Variants in TCF4 observed in about 807,000 individuals in gnomAD.
TCF4 encodes the protein SL3-3 enhancer factor 2.
In TCF4, 3 loss-of-function variants were observed where a neutral mutation model predicts 82.1. The ratio of observed to expected loss-of-function variants is 0.04; its 90% CI spans 0.02 to 0.09. The LOEUF (loss-of-function observed/expected upper bound fraction) is 0.09, where lower values mean the gene tolerates loss of function less well. Ranked by LOEUF, TCF4 falls within the 10% of genes least tolerant of loss-of-function variation. TCF4 has a pLI of 1.00. For missense variants in TCF4, 518 were observed against 852.7 expected (o/e 0.61, Z 4.89); for synonymous variants, 276 against 309.6 (o/e 0.89, Z 1.14).
At chr18:55,505,492 A>G (rs2096744998) in intron 3 of TCF4, among the ~76,000 whole-genome samples, 1 of 152,180 alleles carries the variant, frequency 6.6e-6, no homozygotes, top group African/African-American at 2.4e-5. Context: ...GCCACTGTAC[A>G]GATAAGAAAA....
rs748467656 is a variant in TCF4 at position 55,275,568 on chromosome 18, G to A, written c.789+51C>T. ...ATATGCATGGAAAGACAGAGGACGA[G>A]GTTTAATCAACTAGCTGTGACATTC... On this transcript the variant is annotated intron_variant, in intron 10 of 19. Coordinates refer to ENST00000354452, the MANE Select transcript of TCF4 (RefSeq NM_001083962.2). 1.5e-5 allele frequency: 24 copies of A among 1,612,528 alleles called. No homozygotes were observed. In the Admixed American group the frequency reaches 3.7e-4, roughly 25 times the overall value.
rs117096194 is a variant in TCF4 at position 55,415,335 on chromosome 18, A to G, written c.305-11817T>C. ...AGTATTAAGCTACAACTTTATAATC[A>G]TGGTAAATATCTGATCAGTTGTATA... On this transcript the variant is annotated intron_variant, in intron 5 of 19. Transcript: ENST00000354452. Among the ~76,000 whole-genome samples, 193 of 152,352 alleles carry G rather than the reference A, an allele frequency of 1.3e-3. 1 individual carries two copies. The highest frequency in any genetic ancestry group is 2.0e-3 in the Non-Finnish European group (137 of 68,036).
In TCF4 at chr18:55,476,647, T is replaced by C. The variant is rs1237108559; in HGVS notation, c.146-12510A>G. Among the ~76,000 whole-genome samples the C allele has an allele frequency of 2.6e-5, 4 of 151,868 alleles. No homozygotes were observed. The East Asian group carries it at 5.8e-4, about 22-fold the overall frequency. ...CACACCACCACACCCAGTGAATTTT[T>C]TGTAGAGACAGGGTCTCACTATGTT... On this transcript the variant is annotated intron_variant, in intron 3 of 19. Transcript: ENST00000354452.
intron 5 of TCF4, among the ~76,000 whole-genome samples, chr18:55,421,297 C>T (rs935622280): frequency 5.9e-5 from 9 of 152,044 alleles, no homozygotes; most frequent in Non-Finnish European, 1.2e-4. Flanking sequence ...TCTTGGAACC[C>T]CAAGAGTTTA....
chr18:55,478,397 CCAAAT>C (rs2096346516), intron 3 of TCF4, among the ~76,000 whole-genome samples: 1 of 152,082 alleles, frequency 6.6e-6, no homozygotes, highest in Non-Finnish European at 1.5e-5. Flanking sequence ...CCATGTAAAA[CCAAAT>C]CAAATTCAAA....
intron 2 of TCF4, among the ~76,000 whole-genome samples, chr18:55,595,737 G>A (rs183040336): frequency 6.6e-6 from 1 of 152,304 alleles, no homozygotes; most frequent in African/African-American, 2.4e-5. Flanking sequence ...CCTTCTAGAA[G>A]TTTCCTCCTA....
At chr18:55,472,523 G>C (rs2096206703) in intron 3 of TCF4, among the ~76,000 whole-genome samples, 2 of 152,114 alleles carry the variant, frequency 1.3e-5, no homozygotes, top group South Asian at 4.1e-4. Flanking sequence ...GTCGTTTGGG[G>C]ATCCTACCTT....
intron 5 of TCF4, among the ~76,000 whole-genome samples, chr18:55,415,846 CAT>C (rs1426388689): frequency 3.3e-5 from 5 of 152,160 alleles, no homozygotes; most frequent in Admixed American, 1.3e-4. Context: ...ATAATTAACA[CAT>C]ATTTTTGTGA....
chr18:55,399,920 AC>A lies in TCF4; in HGVS notation c.369+3533del, dbSNP rs1569371371. Among the ~76,000 whole-genome samples, 93 of 148,734 alleles carry A rather than the reference AC, an allele frequency of 6.3e-4. 1 individual carries two copies. The highest frequency in any genetic ancestry group is 2.2e-3 in the African/African-American group (86 of 39,600). The stretch of plus-strand genomic sequence containing the variant: ...CACACACACACACACACACACACAC[AC>A]ACACAATACTAAAAATGAAACCATG... On this transcript the variant is annotated intron_variant, in intron 6 of 19. Transcript: ENST00000354452.
chr18:55,379,686 C>G (rs958368255), intron 6 of TCF4, among the ~76,000 whole-genome samples: 2 of 152,152 alleles, frequency 1.3e-5, no homozygotes, highest in Non-Finnish European at 2.9e-5. Context: ...ATTTTCAATG[C>G]TCTCATTCCA....
At chr18:55,259,771 C>G (rs961963970) in intron 13 of TCF4, 178 bp downstream of exon 13, 8 of 615,926 alleles carry the variant, frequency 1.3e-5, no homozygotes, top group African/African-American at 1.9e-5. Context: ...TGGATGTAAA[C>G]GACTATACTG....
chr18:55,228,151 AC>A (rs1234020279), intron 19 of TCF4, 69 bp downstream of exon 19: 6 of 1,593,090 alleles, frequency 3.8e-6, no homozygotes, highest in Non-Finnish European at 5.2e-6. Flanking sequence ...GGTGAAATTC[AC>A]TTTTATGGCT....
chr18:55,588,072 C>G lies in TCF4; in HGVS notation c.-55G>C. On this transcript the variant is annotated 5_prime_UTR_variant, in exon 1 of 20. Coordinates refer to ENST00000354452, the MANE Select transcript of TCF4 (RefSeq NM_001083962.2). ...GCGAGAAGGGGCTCTCCGTGCACCG[C>G]CGGCGCCGAGGCGGCGTTCATGTCT... 1.0e-6 allele frequency: 1 copy of G among 993,342 alleles called. No individual in the cohort carries two copies. Among genetic ancestry groups the G allele is most frequent in the Non-Finnish European group, 1.2e-6 (1 of 837,214 alleles). The allele number at this position is 993,342 out of a possible 1,614,324, so 61.5% of individuals were successfully genotyped here. A position where few individuals can be genotyped will look rare whatever the true frequency, so the allele number is the denominator to read the frequency against.
At chr18:55,458,119 T>TA (rs2095802145) in intron 5 of TCF4, among the ~76,000 whole-genome samples, 1 of 152,144 alleles carries the variant, frequency 6.6e-6, no homozygotes, top group Admixed American at 6.5e-5. Flanking sequence ...CCTATAAAAT[T>TA]AGTGTCACTT....
chr18:55,524,680 C>T (rs2096963182), intron 3 of TCF4, among the ~76,000 whole-genome samples: 2 of 152,154 alleles, frequency 1.3e-5, no homozygotes, highest in Admixed American at 1.3e-4. Context: ...CTAACCACCC[C>T]TTAGGCTAGT....
intron 15 of TCF4, among the ~76,000 whole-genome samples, chr18:55,238,767 T>G (rs1347281992): frequency 2.0e-5 from 3 of 152,218 alleles, no homozygotes; most frequent in African/African-American, 4.8e-5. Context: ...TTGGACTCTT[T>G]CTTCATGATA....
At chr18:55,585,237 GC>G (rs756774814) in intron 3 of TCF4, 42 bp downstream of exon 3, 1 of 1,557,178 alleles carries the variant, frequency 6.4e-7, no homozygotes, top group Admixed American at 1.7e-5. Flanking sequence ...TAAATAAACA[GC>G]CCAGAACATT....
chr18:55,588,828 A>G (rs1370702482), upstream of TCF4, among the ~76,000 whole-genome samples: 1 of 151,802 alleles, frequency 6.6e-6, no homozygotes, highest in Non-Finnish European at 1.5e-5. Context: ...GAATAGTATA[A>G]CTGCAAACTT....
intron 5 of TCF4, among the ~76,000 whole-genome samples, chr18:55,412,478 C>T (rs1012934267): frequency 2.6e-5 from 4 of 152,036 alleles, no homozygotes; most frequent in Non-Finnish European, 4.4e-5. Flanking sequence ...CCCACTGGCC[C>T]GCTGCTCTGA....
Sources: allele counts gnomAD v4.1 joint callset (sites outside exome capture counted in the v4.1 genomes callset), GRCh38; gene constraint gnomAD v4.1.1; transcripts MANE v1.5; gene names NCBI Gene and HGNC (gene_info 2026-07-23, HGNC 2026-07-21).